GARIN4: variants seen among roughly 807,000 people sequenced by gnomAD.
GARIN4 encodes golgi associated RAB2 interactor family member 4.
chr1:212,625,334 TTG>T, the GARIN4 span: 1 of 1,614,238 alleles, frequency 6.2e-7, no homozygotes, highest in South Asian at 1.1e-5. Flanking sequence ...CTATCTGCAA[TTG>T]TGTCCCGCTC....
At chr1:212,625,791 C>T in the GARIN4 span, 1 of 1,614,064 alleles carries the variant, frequency 6.2e-7, no homozygotes, top group African/African-American at 1.3e-5. Flanking sequence ...AATTCTGCCC[C>T]TGGACAGGTG....
the GARIN4 span, chr1:212,626,222 A>G: frequency 3.7e-6 from 6 of 1,614,194 alleles, no homozygotes; most frequent in Non-Finnish European, 5.1e-6. Context: ...CCGCCACAAA[A>G]CAAGGGGAGA....
chr1:212,626,307 G>T, the GARIN4 span: 1 of 1,614,208 alleles, frequency 6.2e-7, no homozygotes, highest in South Asian at 1.1e-5. Context: ...AAGGAGAAAG[G>T]CTGTGGCAAC....
At chr1:212,626,725 C>G in the GARIN4 span, 1 of 1,523,998 alleles carries the variant, frequency 6.6e-7, no homozygotes, top group Admixed American at 2.2e-5. Flanking sequence ...CCTGGAAAGC[C>G]TATTCCAGCG....
chr1:212,624,873 C>A, the GARIN4 span: 1 of 1,570,682 alleles, frequency 6.4e-7, no homozygotes, highest in Non-Finnish European at 8.6e-7. Flanking sequence ...TGCTGAAAGA[C>A]AACCATGAAT....
At chr1:212,626,024 G>A in the GARIN4 span, 2 of 1,614,264 alleles carry the variant, frequency 1.2e-6, no homozygotes, top group Non-Finnish European at 1.7e-6. Flanking sequence ...CAGGACAGCT[G>A]CAGAAGCAGA....
the GARIN4 span, chr1:212,626,351 G>C: frequency 6.2e-7 from 1 of 1,614,198 alleles, no homozygotes; most frequent in Non-Finnish European, 8.5e-7. Context: ...CTCGCATAAA[G>C]GTGTCAGCCA....
At chr1:212,626,322 G>T in the GARIN4 span, 443 of 1,614,220 alleles carry the variant, frequency 2.7e-4, 1 homozygote, top group African/African-American at 5.0e-3. Flanking sequence ...GGCAACCCGG[G>T]GAGCAGCAGG....
At chr1:212,626,246 A>G in the GARIN4 span, 1 of 1,614,238 alleles carries the variant, frequency 6.2e-7, no homozygotes, top group Non-Finnish European at 8.5e-7. Context: ...GATTGCCCAA[A>G]AGTCCTCCAG....
the GARIN4 span, chr1:212,625,192 C>T: frequency 3.1e-6 from 5 of 1,613,998 alleles, no homozygotes; most frequent in Non-Finnish European, 3.4e-6. Context: ...GCCAGGCCAC[C>T]AAGAGAAAAA....
chr1:212,626,344 G>C, the GARIN4 span: 36 of 1,614,060 alleles, frequency 2.2e-5, no homozygotes, highest in Admixed American at 5.3e-4. Context: ...ACAGGGACTC[G>C]CATAAAGGTG....
the GARIN4 span, chr1:212,626,699 A>G: frequency 1.9e-6 from 3 of 1,539,214 alleles, no homozygotes; most frequent in African/African-American, 4.2e-5. Context: ...AGGAGCCCAG[A>G]GCTCATGGGA....
chr1:212,625,832 G>A, the GARIN4 span: 29 of 1,614,096 alleles, frequency 1.8e-5, no homozygotes, highest in East Asian at 3.6e-4. Flanking sequence ...GGCCACCATC[G>A]GTGCAGGAGG....
chr1:212,625,187 G>A, the GARIN4 span: 1 of 1,614,056 alleles, frequency 6.2e-7, no homozygotes, highest in Non-Finnish European at 8.5e-7. Context: ...ACATGGCCAG[G>A]CCACCAAGAG....
chr1:212,625,246 C>G, the GARIN4 span: 1 of 1,614,122 alleles, frequency 6.2e-7, no homozygotes, highest in South Asian at 1.1e-5. Flanking sequence ...GGCTTCTGCC[C>G]CTGAGGTTTG....
the GARIN4 span, chr1:212,625,438 T>C: frequency 6.2e-7 from 1 of 1,614,198 alleles, no homozygotes; most frequent in Non-Finnish European, 8.5e-7. Context: ...CCTGTGGCAT[T>C]CCAGCTGAAG....
At chr1:212,625,871 A>T in the GARIN4 span, 1 of 1,614,264 alleles carries the variant, frequency 6.2e-7, no homozygotes, top group South Asian at 1.1e-5. Context: ...CCTTGCAGGC[A>T]CTGCCAGCAT....
At chr1:212,626,724 C>T in the GARIN4 span, 9 of 1,523,404 alleles carry the variant, frequency 5.9e-6, no homozygotes, top group Non-Finnish European at 7.9e-6. Flanking sequence ...CCCTGGAAAG[C>T]CTATTCCAGC....
chr1:212,625,052 G>A, the GARIN4 span: 1 of 1,614,180 alleles, frequency 6.2e-7, no homozygotes, highest in Non-Finnish European at 8.5e-7. Flanking sequence ...AAGGGGAGAA[G>A]TGATTGATGT....
Sources: gnomAD v4.1 joint callset for allele counts on GRCh38, gnomAD v4.1.1 for gene constraint, MANE v1.5 for transcripts, NCBI Gene and HGNC (gene_info 2026-07-23, HGNC 2026-07-21) for gene names.